The following CSMD1 variants were observed in gnomAD, a reference collection of about 807,000 sequenced individuals.
The protein encoded by CSMD1 is CUB and sushi domain-containing protein 1.
In CSMD1, 213 loss-of-function variants were observed where a neutral mutation model predicts 417.5. The observed-to-expected ratio is 0.51, with a 90% CI of 0.46 to 0.57. CSMD1 has a LOEUF of 0.57. Among genes scored for constraint, CSMD1 ranks in the 20% least tolerant of loss-of-function variants. The pLI, the probability that CSMD1 is intolerant of heterozygous loss-of-function variation, is 0.00. For missense variants in CSMD1, 6,923 were observed against 4,529.7 expected (o/e 1.53, Z -15.17); for synonymous variants, 2,862 against 1,736.8 (o/e 1.65, Z -16.11).
intron 4 of CSMD1, among the ~76,000 whole-genome samples, chr8:4,016,388 T>C (rs536265774): frequency 1.3e-5 from 2 of 152,198 alleles, no homozygotes; most frequent in African/African-American, 2.4e-5. Flanking sequence ...CCCGAGATGA[T>C]CGAGCCAGTG....
chr8:3,729,094 G>A (rs1410457871), intron 6 of CSMD1, among the ~76,000 whole-genome samples: 2 of 152,212 alleles, frequency 1.3e-5, no homozygotes, highest in Admixed American at 1.3e-4. Flanking sequence ...GTCAGCCAGG[G>A]AAGTAAAGGT....
chr8:4,078,542 G>C (rs1799951888), intron 3 of CSMD1, among the ~76,000 whole-genome samples: 1 of 151,772 alleles, frequency 6.6e-6, no homozygotes, highest in East Asian at 1.9e-4. Flanking sequence ...GGGATTACAG[G>C]GGTGAGCCAC....
rs2128979431 is a variant in CSMD1, at chr8:3,034,165, T to C, written c.7661-4652A>G. On this transcript the variant is annotated intron_variant, in intron 50 of 69. Transcript: ENST00000635120. ...CAAATAAACTCTGCTAAATTTCATG[T>C]GTCAAAAGTTTTCTCTTAACAGGTA... 2.6e-5 allele frequency among the ~76,000 whole-genome samples: 4 copies of C among 152,352 alleles called. No individual in the cohort carries two copies. In the South Asian group the frequency reaches 8.3e-4, roughly 32 times the overall value.
rs189883976 is a variant in CSMD1 at position 4,612,802 on chromosome 8, G to T, written c.302+24540C>A. 8.5e-5 allele frequency among the ~76,000 whole-genome samples: 13 copies of T among 152,278 alleles called. No individual in the cohort carries two copies. The East Asian group carries it at 2.5e-3, about 29-fold the overall frequency. ...AACAGCACCAGTAACACCAGCCTCTGTCTCTTCCTGGCTTTGACAGAATTT... is the reference window on the plus strand; with the variant it reads ...AACAGCACCAGTAACACCAGCCTCTTTCTCTTCCTGGCTTTGACAGAATTT... On this transcript the variant is annotated intron_variant, in intron 2 of 69. Coordinates refer to ENST00000635120, the MANE Select transcript of CSMD1 (RefSeq NM_033225.6).
chr8:4,674,566 T>C (rs1301988436), intron 1 of CSMD1, among the ~76,000 whole-genome samples: 4 of 152,124 alleles, frequency 2.6e-5, no homozygotes, highest in African/African-American at 7.2e-5. Context: ...AACAAAGATG[T>C]ACCACTAACC....
At chr8:3,088,296 C>A (rs985046905) in intron 48 of CSMD1, among the ~76,000 whole-genome samples, 4 of 152,180 alleles carry the variant, frequency 2.6e-5, no homozygotes, top group African/African-American at 9.7e-5. Context: ...GAGGTCACTA[C>A]TACACAAAAT....
chr8:3,623,244 C>G (rs994583655), intron 7 of CSMD1, among the ~76,000 whole-genome samples: 1 of 152,170 alleles, frequency 6.6e-6, no homozygotes, highest in African/African-American at 2.4e-5. Flanking sequence ...CTCATTAGAT[C>G]TGCACAAAAC....
At chr8:3,255,936 A>C (rs1054125647) in intron 26 of CSMD1, among the ~76,000 whole-genome samples, 1 of 152,116 alleles carries the variant, frequency 6.6e-6, no homozygotes. Flanking sequence ...GAAATGCAGA[A>C]ATCACCCATC....
chr8:4,700,467 G>A (rs1807451873), intron 1 of CSMD1, among the ~76,000 whole-genome samples: 1 of 152,034 alleles, frequency 6.6e-6, no homozygotes, highest in Non-Finnish European at 1.5e-5. Flanking sequence ...GAAACAACCT[G>A]CATATTCTTT....
chr8:3,230,379 T>C, intron 26 of CSMD1, 148 bp from the exon 27 acceptor site: 1 of 515,802 alleles, frequency 1.9e-6, no homozygotes, highest in Non-Finnish European at 3.3e-6. Context: ...TAGTTTCTTT[T>C]CCCAGGGGTA....
rs185434462 is a variant in CSMD1, at chr8:4,143,872, A to G, written c.416-111773T>C. Among the ~76,000 whole-genome samples, 289 of 151,174 alleles carry G rather than the reference A, an allele frequency of 1.9e-3. 1 individual carries two copies. Among genetic ancestry groups the G allele is most frequent in the Admixed American group, 5.8e-3 (89 of 15,240 alleles). Reference sequence around the variant, plus strand: ...TTGAGGTCCCTCTCAGTTACCCCTTATCTGGATGAAGAATTTGGTCCCTGG... The same window carrying G: ...TTGAGGTCCCTCTCAGTTACCCCTTGTCTGGATGAAGAATTTGGTCCCTGG... On this transcript the variant is annotated intron_variant, in intron 3 of 69. Coordinates refer to ENST00000635120, the MANE Select transcript of CSMD1 (RefSeq NM_033225.6).
At chr8:4,916,543 A>T (rs1806078719) in intron 1 of CSMD1, among the ~76,000 whole-genome samples, 1 of 152,218 alleles carries the variant, frequency 6.6e-6, no homozygotes, top group Non-Finnish European at 1.5e-5. Context: ...TAGAATGAGA[A>T]AATGCACGTG....
chr8:4,102,474 A>C (rs570647624), intron 3 of CSMD1, among the ~76,000 whole-genome samples: 10 of 152,176 alleles, frequency 6.6e-5, no homozygotes, highest in African/African-American at 2.4e-4. Flanking sequence ...GCAGATATCA[A>C]ATCTGTCACT....
intron 3 of CSMD1, among the ~76,000 whole-genome samples, chr8:4,094,116 G>C (rs1003802288): frequency 6.6e-6 from 1 of 151,984 alleles, no homozygotes; most frequent in South Asian, 2.1e-4. Context: ...TTCCCCAACA[G>C]ATGGTGCCTC....
rs67818519 is a variant in CSMD1, at chr8:3,175,483, T to TCCTGCCTG, written c.5725+5619_5725+5626dup. ...CTTTCCTTCCTTCTTTTCCCTTCCT[T>TCCTGCCTG]CCTGCCTGCCTGCCTGCCTGCCTGC... On this transcript the variant is annotated intron_variant, in intron 37 of 69. Transcript: ENST00000635120. 3.6e-3 allele frequency among the ~76,000 whole-genome samples: 438 copies of TCCTGCCTG among 121,644 alleles called. 3 individuals carry two copies. Among genetic ancestry groups the TCCTGCCTG allele is most frequent in the East Asian group, 8.3e-3 (30 of 3,616 alleles). The allele number at this position is 121,644 out of a possible 152,430, so 79.8% of individuals were successfully genotyped here.
intron 3 of CSMD1, among the ~76,000 whole-genome samples, chr8:4,171,419 T>C (rs1254485438): frequency 6.6e-6 from 1 of 151,922 alleles, no homozygotes; most frequent in East Asian, 1.9e-4. Flanking sequence ...TATTAATTAC[T>C]TTGTAATACA....
chr8:3,245,338 C>G (rs1405919942), intron 26 of CSMD1, among the ~76,000 whole-genome samples: 1 of 152,140 alleles, frequency 6.6e-6, no homozygotes, highest in Non-Finnish European at 1.5e-5. Context: ...TGTGTAAGGG[C>G]ATTTGCAAAA....
At position 3,394,647 on chromosome 8, in the gene CSMD1, G is replaced by T. The variant is rs867714653; in HGVS notation, c.2593+1547C>A. On this transcript the variant is annotated intron_variant, in intron 17 of 69. Transcript: ENST00000635120. ...GAAAAAGTTGGGGGGAGGGGTGTGG[G>T]AGAGGATGAGAAAATACAAGGCTTA... Among the ~76,000 whole-genome samples the T allele has an allele frequency of 7.2e-5, 11 of 151,770 alleles. No individual in the cohort carries two copies. The South Asian group carries it at 1.0e-3, about 14-fold the overall frequency.
At chr8:4,391,759 A>G (rs535940108) in intron 3 of CSMD1, among the ~76,000 whole-genome samples, 2 of 152,248 alleles carry the variant, frequency 1.3e-5, no homozygotes, top group South Asian at 2.1e-4. Context: ...CTCTTCCACC[A>G]TAGGGCTTTC....
Sources: allele counts gnomAD v4.1 joint callset (sites outside exome capture counted in the v4.1 genomes callset), GRCh38; gene constraint gnomAD v4.1.1; transcripts MANE v1.5; gene names NCBI Gene and HGNC (gene_info 2026-07-23, HGNC 2026-07-21).